The following EPC2 variants were observed in gnomAD, a reference collection of about 807,000 sequenced individuals.
The protein encoded by EPC2 is enhancer of polycomb 2.
In EPC2, 14 loss-of-function variants were observed where a neutral mutation model predicts 92.1. The observed-to-expected ratio is 0.15, with a 90% CI of 0.10 to 0.24. EPC2 has a LOEUF of 0.24. Among genes scored for constraint, EPC2 ranks in the 10% least tolerant of loss-of-function variants. The pLI, the probability that EPC2 is intolerant of heterozygous loss-of-function variation, is 1.00. For missense variants in EPC2, 755 were observed against 971.5 expected (o/e 0.78, Z 2.96); for synonymous variants, 340 against 334.7 (o/e 1.02, Z -0.17).
intron 1 of EPC2, among the ~76,000 whole-genome samples, chr2:148,687,763 A>T (rs1269872718): frequency 6.6e-6 from 1 of 152,090 alleles, no homozygotes; most frequent in Admixed American, 6.6e-5. Flanking sequence ...TTGTTTGCCC[A>T]CTTCCTCATA....
chr2:148,764,859 A>G, intron 6 of EPC2, 96 bp from the exon 7 acceptor site: 5 of 941,884 alleles, frequency 5.3e-6, no homozygotes, highest in Non-Finnish European at 7.1e-6. Context: ...CCTCCTGGGT[A>G]AAAATGTATG....
At chr2:148,707,629 A>G (rs1682030780) in intron 2 of EPC2, among the ~76,000 whole-genome samples, 2 of 152,212 alleles carry the variant, frequency 1.3e-5, no homozygotes, top group Admixed American at 1.3e-4. Flanking sequence ...GTAAAAGAAC[A>G]GAAATCACAA....
intron 1 of EPC2, among the ~76,000 whole-genome samples, chr2:148,649,466 TG>T (rs1321816798): frequency 1.3e-5 from 2 of 152,264 alleles, no homozygotes; most frequent in Non-Finnish European, 2.9e-5. Flanking sequence ...TAGCTTCCTT[TG>T]TTCCGTACGA....
At chr2:148,722,842 A>G (rs1682411568) in intron 2 of EPC2, among the ~76,000 whole-genome samples, 3 of 152,260 alleles carry the variant, frequency 2.0e-5, no homozygotes, top group Non-Finnish European at 2.9e-5. Flanking sequence ...ATACATAGTC[A>G]TAAAAGAACG....
At chr2:148,666,225 T>G (rs1157268749) in intron 1 of EPC2, among the ~76,000 whole-genome samples, 1 of 152,206 alleles carries the variant, frequency 6.6e-6, no homozygotes, top group Non-Finnish European at 1.5e-5. Context: ...ACTGTGGGCT[T>G]CATCCCCTGA....
At chr2:148,684,096 A>G (rs151139011) in intron 1 of EPC2, among the ~76,000 whole-genome samples, 180 of 152,288 alleles carry the variant, frequency 1.2e-3, no homozygotes, top group African/African-American at 4.0e-3. Flanking sequence ...TTTGATTTGC[A>G]TTTCACTGAC....
At chr2:148,687,616 T>C (rs1372681250) in intron 1 of EPC2, among the ~76,000 whole-genome samples, 1 of 152,232 alleles carries the variant, frequency 6.6e-6, no homozygotes, top group African/African-American at 2.4e-5. Flanking sequence ...GCCAAAGAGA[T>C]GCTGACTATG....
At chr2:148,695,173 A>G (rs1369688559) in intron 2 of EPC2, among the ~76,000 whole-genome samples, 2 of 152,216 alleles carry the variant, frequency 1.3e-5, no homozygotes, top group Non-Finnish European at 2.9e-5. Context: ...CTTATTTTGA[A>G]ATGAAAGTTT....
intron 2 of EPC2, among the ~76,000 whole-genome samples, chr2:148,691,009 C>T (rs1681634281): frequency 6.6e-6 from 1 of 152,142 alleles, no homozygotes; most frequent in African/African-American, 2.4e-5. Context: ...CAGGAGTAGT[C>T]TTCTGAAATT....
intron 1 of EPC2, among the ~76,000 whole-genome samples, chr2:148,670,242 C>CTGAT (rs1442056654): frequency 6.6e-6 from 1 of 152,112 alleles, no homozygotes; most frequent in African/African-American, 2.4e-5. Flanking sequence ...CCTTCATTGC[C>CTGAT]TGATGTCCGT....
chr2:148,679,539 G>A (rs994753367), intron 1 of EPC2, among the ~76,000 whole-genome samples: 12 of 152,170 alleles, frequency 7.9e-5, no homozygotes, highest in Non-Finnish European at 1.0e-4. Context: ...AAAAGTATAG[G>A]AGAACATGGG....
intron 7 of EPC2, among the ~76,000 whole-genome samples, chr2:148,767,801 G>A (rs1392675545): frequency 6.6e-6 from 1 of 152,120 alleles, no homozygotes; most frequent in Non-Finnish European, 1.5e-5. Flanking sequence ...AATCTACCCC[G>A]GGGAATCGTA....
At position 148,770,901 on chromosome 2, in the gene EPC2, T is replaced by C. The variant is rs1466511690; in HGVS notation, c.1340T>C (p.Ile447Thr). ...LTTLTVPRRC[I>T]GFARRRIGRG... Reference sequence around the variant, plus strand: ...ACACTTACAGTCCCAAGAAGATGTATAGGATTTGCAAGGAGGCGAATTGGC... The same window carrying C: ...ACACTTACAGTCCCAAGAAGATGTACAGGATTTGCAAGGAGGCGAATTGGC... The change falls in exon 9 of 14, where the codon ATA becomes ACA. Residue 447 changes from isoleucine (I) to threonine (T), a missense_variant. Coordinates refer to ENST00000258484, the MANE Select transcript of EPC2 (RefSeq NM_015630.4). The C allele has an allele frequency of 3.1e-6, 5 of 1,613,048 alleles. No individual in the cohort carries two copies. Among genetic ancestry groups the C allele is most frequent in the East Asian group, 2.2e-5 (1 of 44,890 alleles).
At chr2:148,753,734 A>G (rs963567603) in intron 3 of EPC2, among the ~76,000 whole-genome samples, 193 bp from the exon 4 acceptor site, 1 of 152,170 alleles carries the variant, frequency 6.6e-6, no homozygotes, top group Non-Finnish European at 1.5e-5. Flanking sequence ...CTCAGGGAAA[A>G]TTACTAATTT....
intron 3 of EPC2, among the ~76,000 whole-genome samples, chr2:148,749,658 A>G (rs1308347412): frequency 1.3e-5 from 2 of 151,994 alleles, no homozygotes; most frequent in East Asian, 1.9e-4. Flanking sequence ...TTAATTTAGT[A>G]TGTAGCATGT....
chr2:148,692,090 C>G lies in EPC2; in HGVS notation c.313+1717C>G, dbSNP rs184045537. 67 of 315,360 alleles carry G rather than the reference C, an allele frequency of 2.1e-4. No individual in the cohort carries two copies. The East Asian group carries it at 5.3e-3, about 25-fold the overall frequency. The allele number at this position is 315,360 out of a possible 1,614,324, so 19.5% of individuals were successfully genotyped here. On this transcript the variant is annotated intron_variant, in intron 2 of 13. Coordinates refer to ENST00000258484, the MANE Select transcript of EPC2 (RefSeq NM_015630.4). ...CGTCATTTATTTTTGCTCTTCCCTT[C>G]ACTCTGTGTACCATAGGGACTACGA...
intron 2 of EPC2, among the ~76,000 whole-genome samples, chr2:148,716,311 C>T (rs1332639282): frequency 6.6e-6 from 1 of 152,130 alleles, no homozygotes; most frequent in African/African-American, 2.4e-5. Context: ...TGCTGGTTTT[C>T]AAGGGGAATG....
Position 148,732,860 on chromosome 2 carries a change from A to G in EPC2, c.314-10762A>G, listed in dbSNP as rs1179617056. 4.6e-5 allele frequency among the ~76,000 whole-genome samples: 7 copies of G among 151,776 alleles called. No individual in the cohort carries two copies. In the East Asian group the frequency reaches 7.8e-4, roughly 17 times the overall value. ...ATAAAGGATTTTTTTAGGAATATCT[A>G]TCATGTTATAGCAGACATATTTGTA... On this transcript the variant is annotated intron_variant, in intron 2 of 13. Transcript: ENST00000258484.
intron 12 of EPC2, among the ~76,000 whole-genome samples, chr2:148,784,206 A>T (rs906637119): frequency 6.6e-6 from 1 of 152,138 alleles, no homozygotes; most frequent in African/African-American, 2.4e-5. Flanking sequence ...TTGCTGTGAA[A>T]CCCTGTGTGC....
Sources: allele counts gnomAD v4.1 joint callset (sites outside exome capture counted in the v4.1 genomes callset), GRCh38; gene constraint gnomAD v4.1.1; transcripts MANE v1.5; gene names NCBI Gene and HGNC (gene_info 2026-07-23, HGNC 2026-07-21).